DCC: variants seen among roughly 807,000 people sequenced by gnomAD.
DCC encodes netrin receptor DCC.
DCC carries 58 observed loss-of-function variants against 172.5 expected under a neutral mutation model. The ratio of observed to expected loss-of-function variants is 0.34; its 90% confidence interval spans 0.27 to 0.42. The LOEUF (loss-of-function observed/expected upper bound fraction) is 0.42, where lower values mean the gene tolerates loss of function less well. Ranked by LOEUF, DCC falls within the 10% of genes least tolerant of loss-of-function variation. The pLI, the probability that DCC is intolerant of heterozygous loss-of-function variation, is 1.00. For missense variants in DCC, 1,740 were observed against 1,791.0 expected, an observed-to-expected ratio of 0.97 and a Z score of 0.51; for synonymous variants, 709 against 644.5, an observed-to-expected ratio of 1.10 and a Z score of -1.52.
At chr18:52,707,251 C>A (rs907841656) in intron 1 of DCC, among the ~76,000 whole-genome samples, 1 of 152,064 alleles carries the variant, frequency 6.6e-6, no homozygotes, top group Non-Finnish European at 1.5e-5. Flanking sequence ...GAGACAAGAG[C>A]CCTGTATTTT....
intron 7 of DCC, among the ~76,000 whole-genome samples, chr18:53,156,291 C>G (rs562388236): frequency 7.9e-5 from 12 of 152,224 alleles, no homozygotes; most frequent in African/African-American, 2.6e-4. Flanking sequence ...TCGACACAGC[C>G]TGGCCAACAT....
intron 7 of DCC, among the ~76,000 whole-genome samples, chr18:53,136,209 CTA>C (rs1010454794): frequency 6.9e-6 from 1 of 144,292 alleles, no homozygotes; most frequent in Non-Finnish European, 1.5e-5. Context: ...ATCTATCTAT[CTA>C]TATATATATA....
intron 1 of DCC, among the ~76,000 whole-genome samples, chr18:52,614,799 T>C (rs1221891): frequency 0.88 from 134,434 of 152,086 alleles, 60,125 homozygotes; most frequent in Middle Eastern, 0.96. Context: ...TGATGGCATA[T>C]GTGTCTCTAT....
At chr18:53,271,040 C>G (rs975813417) in intron 12 of DCC, among the ~76,000 whole-genome samples, 3 of 152,130 alleles carry the variant, frequency 2.0e-5, no homozygotes, top group African/African-American at 7.2e-5. Context: ...CATAGTGGAG[C>G]TCAGTGTGAA....
chr18:52,978,103 C>T (rs906668821), intron 5 of DCC, among the ~76,000 whole-genome samples: 7 of 151,804 alleles, frequency 4.6e-5, no homozygotes, highest in South Asian at 2.1e-4. Context: ...GCTAAAGAGG[C>T]GCTTGTATAT....
At chr18:52,492,643 G>GA (rs144464908) in intron 1 of DCC, among the ~76,000 whole-genome samples, 1 of 150,804 alleles carries the variant, frequency 6.6e-6, no homozygotes, top group African/African-American at 2.4e-5. Flanking sequence ...TTAATAGGAA[G>GA]AAAAAAAAAG....
intron 2 of DCC, among the ~76,000 whole-genome samples, chr18:52,845,357 G>C (rs2038868208): frequency 6.6e-6 from 1 of 152,310 alleles, no homozygotes; most frequent in Middle Eastern, 3.4e-3. Flanking sequence ...AAAAGTTAAT[G>C]TAATTATCCC....
chr18:52,499,105 T>G (rs2030921579), intron 1 of DCC, among the ~76,000 whole-genome samples: 1 of 152,182 alleles, frequency 6.6e-6, no homozygotes, highest in African/African-American at 2.4e-5. Context: ...TTTGGCCTTA[T>G]ACATTTATGA....
chr18:52,521,059 A>C (rs939134187), intron 1 of DCC, among the ~76,000 whole-genome samples: 3 of 152,152 alleles, frequency 2.0e-5, no homozygotes, highest in African/African-American at 7.2e-5. Context: ...AAAGCCAAAA[A>C]TTCTGTTGAG....
At chr18:52,989,868 G>A (rs1265472711) in intron 5 of DCC, among the ~76,000 whole-genome samples, 2 of 152,164 alleles carry the variant, frequency 1.3e-5, no homozygotes, top group Non-Finnish European at 2.9e-5. Context: ...AGAGATGGGG[G>A]CTATGGCTAC....
At chr18:53,399,473 G>C (rs1599107269) in intron 18 of DCC, among the ~76,000 whole-genome samples, 1 of 152,256 alleles carries the variant, frequency 6.6e-6, no homozygotes, top group East Asian at 1.9e-4. Context: ...AGGAAGAGGA[G>C]AGGATGGGAT....
chr18:53,267,811 G>C (rs148361308), intron 12 of DCC, among the ~76,000 whole-genome samples: 280 of 152,190 alleles, frequency 1.8e-3, no homozygotes, highest in African/African-American at 6.5e-3. Flanking sequence ...CTTTATGTTT[G>C]GGACTTGTCA....
intron 5 of DCC, among the ~76,000 whole-genome samples, chr18:52,983,682 G>T (rs959492392): frequency 1.3e-5 from 2 of 152,144 alleles, no homozygotes; most frequent in African/African-American, 4.8e-5. Context: ...AAAGACTTGG[G>T]AAGAAATCTT....
At position 53,123,733 on chromosome 18, in the gene DCC, T is replaced by C. The variant is rs200965614; in HGVS notation, c.1262-33623T>C. Among the ~76,000 whole-genome samples, 16 of 152,206 alleles carry C rather than the reference T, an allele frequency of 1.1e-4. No individual in the cohort carries two copies. In the East Asian group the frequency reaches 2.7e-3, roughly 26 times the overall value. On this transcript the variant is annotated intron_variant, in intron 7 of 28. Transcript: ENST00000442544. ...TATTACTTTCTTCCACCTTTTCTGC[T>C]TTTGAAAATAATTTTCATGTCTATT... is the stretch of plus-strand genomic sequence containing the variant.
In DCC at chr18:53,240,042, A is replaced by AAC. The variant is rs1555736770; in HGVS notation, c.1911+24446_1911+24447insCA. Among the ~76,000 whole-genome samples, 305 of 139,500 alleles carry AAC rather than the reference A, an allele frequency of 2.2e-3. 4 individuals carry two copies. Among genetic ancestry groups the AAC allele is most frequent in the Admixed American group, 5.1e-3 (67 of 13,136 alleles). 91.5% of individuals were successfully genotyped at this position (139,500 alleles called of 152,430 possible). A position where few individuals can be genotyped will look rare whatever the true frequency, so the allele number is the denominator to read the frequency against. On this transcript the variant is annotated intron_variant, in intron 12 of 28. Transcript: ENST00000442544. ...TTCTAGAGTTAAAAAAAAAAAAAAA[A>AAC]AAAAAAAACAACAAAACACTTTTTC...
intron 7 of DCC, among the ~76,000 whole-genome samples, chr18:53,073,133 T>C (rs917632505): frequency 6.6e-5 from 10 of 152,178 alleles, no homozygotes; most frequent in African/African-American, 2.4e-4. Context: ...AGGCCTACTA[T>C]CTGCTATTGG....
At chr18:53,157,987 T>A (rs750296524) in intron 8 of DCC, among the ~76,000 whole-genome samples, 2 of 152,186 alleles carry the variant, frequency 1.3e-5, no homozygotes, top group African/African-American at 4.8e-5. Context: ...TTGGATTGTT[T>A]GTAATGCAAA....
chr18:52,452,079 C>T (rs1217706452), intron 1 of DCC, among the ~76,000 whole-genome samples: 1 of 152,170 alleles, frequency 6.6e-6, no homozygotes, highest in East Asian at 1.9e-4. Context: ...GAGTGAGTGG[C>T]TTTGGTTATC....
intron 9 of DCC, among the ~76,000 whole-genome samples, chr18:53,184,680 C>T (rs747014127): frequency 1.1e-4 from 16 of 152,086 alleles, no homozygotes; most frequent in Non-Finnish European, 1.8e-4. Context: ...AGCAAGATGT[C>T]ACTAGGCGAT....
Sources: allele counts gnomAD v4.1 joint callset (sites outside exome capture counted in the v4.1 genomes callset), GRCh38; gene constraint gnomAD v4.1.1; transcripts MANE v1.5; gene names NCBI Gene and HGNC (gene_info 2026-07-23, HGNC 2026-07-21).